The following CCT6B variants were observed in gnomAD, a reference collection of about 807,000 sequenced individuals.
The protein encoded by CCT6B is probable T-complex protein 1 subunit zeta-2.
A neutral mutation model predicts 61.5 loss-of-function variants in CCT6B; 49 were observed. The ratio of observed to expected loss-of-function variants is 0.80; its 90% CI spans 0.63 to 1.01. The LOEUF is 1.01. Among genes scored for constraint, CCT6B ranks in the 50% least tolerant of loss-of-function variants. CCT6B has a pLI of 0.00. For synonymous variants in CCT6B, 228 were observed against 214.5 expected (o/e 1.06, Z -0.55); for missense variants, 666 against 634.7 (o/e 1.05, Z -0.53).
chr17:34,961,227 G>A, intron 1 of CCT6B, 30 bp downstream of exon 1: 1 of 1,578,862 alleles, frequency 6.3e-7, no homozygotes. Context: ...GCCCCTAGCC[G>A]CGTAATGGCC....
rs1469854112 is a variant in CCT6B at position 34,948,685 on chromosome 17, G to T, written c.614+3265C>A. On this transcript the variant is annotated intron_variant, in intron 5 of 13. Transcript: ENST00000314144. ...GCCAAGATCACGCCATTGCACTCCAGCCTGGGTAACAAGAGTGAAACTCCA... is the reference window on the plus strand; with the variant it reads ...GCCAAGATCACGCCATTGCACTCCATCCTGGGTAACAAGAGTGAAACTCCA... 2.0e-5 allele frequency among the ~76,000 whole-genome samples: 3 copies of T among 146,850 alleles called. No individual in the cohort carries two copies. In the East Asian group the frequency reaches 6.2e-4, roughly 30 times the overall value.
intron 12 of CCT6B, among the ~76,000 whole-genome samples, chr17:34,930,670 A>G (rs1001980944): frequency 1.5e-4 from 23 of 152,276 alleles, no homozygotes; most frequent in African/African-American, 5.5e-4. Flanking sequence ...TTTATTTATT[A>G]AAGTTATTAT....
In CCT6B at chr17:34,946,633, T is replaced by A. The variant is rs373499262; in HGVS notation, c.615-3727A>T. ...ATGTTTATAGCAGCACTATTAATAA[T>A]GGGCAAAAAATGCAAACTACCTAAA... On this transcript the variant is annotated intron_variant, in intron 5 of 13. Transcript: ENST00000314144. 1.7e-4 allele frequency among the ~76,000 whole-genome samples: 26 copies of A among 152,230 alleles called. No homozygotes were observed. The East Asian group carries it at 4.2e-3, about 25-fold the overall frequency.
intron 5 of CCT6B, among the ~76,000 whole-genome samples, chr17:34,945,166 A>C (rs78912618): frequency 0.019 from 2,960 of 152,244 alleles, 94 homozygotes; most frequent in African/African-American, 0.066. Flanking sequence ...CCAAGTTCCT[A>C]GGGATCATGC....
At chr17:34,959,716 T>C in intron 1 of CCT6B, 66 bp from the exon 2 acceptor site, 1 of 1,112,260 alleles carries the variant, frequency 9.0e-7, no homozygotes, top group Non-Finnish European at 1.4e-6. Context: ...TGCCACTCCA[T>C]TATCCTTAAT....
At chr17:34,935,924 CGTGTGTGTGTGT>C (rs113723835) in intron 10 of CCT6B, among the ~76,000 whole-genome samples, 6 of 147,866 alleles carry the variant, frequency 4.1e-5, no homozygotes, top group East Asian at 2.0e-4. Flanking sequence ...CATTTATTCT[CGTGTGTGTGTGT>C]GTGTGTGTGT....
At chr17:34,946,493 C>G (rs1237279244) in intron 5 of CCT6B, among the ~76,000 whole-genome samples, 1 of 151,996 alleles carries the variant, frequency 6.6e-6, no homozygotes, top group Admixed American at 6.6e-5. Flanking sequence ...TAAGAAAGAA[C>G]CAAATAGAAC....
rs748410549 is a variant in CCT6B, at chr17:34,928,066, C to T, written c.1575G>A (p.Gly525=). 5 of 1,611,020 alleles carry T rather than the reference C, an allele frequency of 3.1e-6. No homozygotes were observed. The change falls in exon 14 of 14, where the codon GGG becomes GGA. Residue 525 remains glycine (G), a synonymous_variant. Coordinates refer to ENST00000314144, the MANE Select transcript of CCT6B (RefSeq NM_006584.4). ...ILLVDEIMRA[G]MSSLK is the part of the protein sequence containing the mutation. ...TCAATCATCATTTGAGAGAAGACAT[C>T]CCAGCTCGCATAATTTCATCAACCA...
At chr17:34,949,078 A>AG (rs1359728074) in intron 5 of CCT6B, among the ~76,000 whole-genome samples, 1 of 24,222 alleles carries the variant, frequency 4.1e-5, no homozygotes, top group African/African-American at 1.6e-4. Context: ...GGGGGAGGGG[A>AG]GGGGAGGGGA....
chr17:34,932,181 C>T (rs1186495096), intron 11 of CCT6B, among the ~76,000 whole-genome samples, 186 bp downstream of exon 11: 1 of 152,140 alleles, frequency 6.6e-6, no homozygotes, highest in East Asian at 1.9e-4. Context: ...TGAGATCGTG[C>T]AAGGATCCTG....
In CCT6B at chr17:34,932,442, T is replaced by C. The variant is rs764033027; in HGVS notation, c.1272A>G (p.Thr424=). 1.7e-5 allele frequency: 27 copies of C among 1,612,516 alleles called. 1 individual carries two copies. The South Asian group carries it at 1.8e-4, about 11-fold the overall frequency. Residue 424 remains threonine (T), a synonymous_variant, in exon 11 of 14, where the codon ACA becomes ACG. Transcript: ENST00000314144. ...IEVAMAEALV[T]YKNSIKGRAR... is the part of the protein sequence containing the mutation. ...CTCTTCCTTTTATACTGTTCTTATA[T>C]GTAACAAGAGCTTCAGCCATTGCCA...
intron 4 of CCT6B, among the ~76,000 whole-genome samples, chr17:34,953,592 A>C (rs1324441750): frequency 6.6e-6 from 1 of 152,040 alleles, no homozygotes; most frequent in Admixed American, 6.5e-5. Flanking sequence ...GGCCTCCTAA[A>C]GTGCTGGGAT....
Position 34,932,520 on chromosome 17 carries a change from T to C in CCT6B, c.1214-20A>G, listed in dbSNP as rs536257664. 3.8e-6 allele frequency: 6 copies of C among 1,578,232 alleles called. No homozygotes were observed. Among genetic ancestry groups the C allele is most frequent in the Non-Finnish European group, 3.4e-6 (4 of 1,168,230 alleles). Reference sequence around the variant, plus strand: ...TACAACCTATTGGAGAGAAAAAATATGATTGGCAAGACATGCCATAAAGAC... The same window carrying C: ...TACAACCTATTGGAGAGAAAAAATACGATTGGCAAGACATGCCATAAAGAC... On this transcript the variant is annotated intron_variant, in intron 10 of 13. Coordinates refer to ENST00000314144, the MANE Select transcript of CCT6B (RefSeq NM_006584.4).
chr17:34,960,995 C>CT (rs2090407645), intron 1 of CCT6B, among the ~76,000 whole-genome samples: 2 of 152,234 alleles, frequency 1.3e-5, no homozygotes, highest in Admixed American at 1.3e-4. Context: ...ACTAAATTAA[C>CT]TGACTTTCTA....
At chr17:34,944,842 C>T (rs147083764) in intron 5 of CCT6B, among the ~76,000 whole-genome samples, 2,909 of 152,316 alleles carry the variant, frequency 0.019, 68 homozygotes, top group South Asian at 0.032. Flanking sequence ...AGGAGAATGG[C>T]GTAAGCCCAG....
At chr17:34,951,851 A>C (rs2142171926) in intron 5 of CCT6B, 99 bp downstream of exon 5, 1 of 564,558 alleles carries the variant, frequency 1.8e-6, no homozygotes, top group South Asian at 3.0e-5. Context: ...ATGGTGAATG[A>C]ATATATTTAT....
intron 5 of CCT6B, among the ~76,000 whole-genome samples, chr17:34,946,268 G>A (rs867366860): frequency 1.3e-5 from 2 of 152,104 alleles, no homozygotes; most frequent in Non-Finnish European, 2.9e-5. Flanking sequence ...CTACCAATAC[G>A]TTTTTCAAGC....
intron 10 of CCT6B, among the ~76,000 whole-genome samples, chr17:34,938,211 G>A (rs2090116483): frequency 6.6e-6 from 1 of 151,928 alleles, no homozygotes; most frequent in South Asian, 2.1e-4. Context: ...TATTTAAAAG[G>A]GCAAAAGATT....
rs367872596 is a variant in CCT6B, at chr17:34,942,820, T to C, written c.701A>G (p.Asn234Ser). The C allele has an allele frequency of 1.4e-5, 23 of 1,607,982 alleles. No individual in the cohort carries two copies. The highest frequency in any genetic ancestry group is 4.5e-5 in the East Asian group (2 of 44,818). ...RVEDAFILIC[N>S]VSLEYEKTEV... is the part of the protein sequence containing the mutation. ...CGTTTTTTCATATTCCAGTGAAACG[T>C]TGCAAATAAGGATAAATGCATCTTC... Residue 234 changes from asparagine to serine, a missense_variant, in exon 6 of 14, where the codon AAC becomes AGC. Asn to Ser is a conservative substitution (Grantham distance 46). Transcript: ENST00000314144.
Sources: allele counts gnomAD v4.1 joint callset (sites outside exome capture counted in the v4.1 genomes callset), GRCh38; gene constraint gnomAD v4.1.1; transcripts MANE v1.5; gene names NCBI Gene and HGNC (gene_info 2026-07-23, HGNC 2026-07-21).